Variants in DEPDC5 observed in about 807,000 individuals in gnomAD.
DEPDC5 encodes the protein DEP domain containing 5, GATOR1 subcomplex subunit, also known as GATOR1 complex protein DEPDC5.
A neutral mutation model predicts 217.3 loss-of-function variants in DEPDC5; 73 were observed. That is an observed-to-expected ratio of 0.34 (90% CI 0.28 to 0.41). DEPDC5 has a LOEUF of 0.41. DEPDC5 is among the 10% of genes least tolerant of loss of function. DEPDC5 has a pLI of 1.00. For missense variants in DEPDC5, 1,675 were observed against 2,070.1 expected (o/e 0.81, Z 3.70); for synonymous variants, 733 against 756.7 (o/e 0.97, Z 0.51).
chr22:31,777,380 C>T (rs2083982694), intron 7 of DEPDC5, among the ~76,000 whole-genome samples: 2 of 151,528 alleles, frequency 1.3e-5, no homozygotes, highest in South Asian at 2.1e-4. Flanking sequence ...CCTGCCTCAG[C>T]GTCCTGAGTA....
intron 24 of DEPDC5, chr22:31,831,047 T>G (rs985744966): frequency 6.6e-6 from 1 of 150,878 alleles, no homozygotes; most frequent in South Asian, 2.1e-4. Context: ...AGCCAAGGTT[T>G]TTTTTTTTTT....
intron 6 of DEPDC5, among the ~76,000 whole-genome samples, chr22:31,766,909 T>C (rs975341735): frequency 1.3e-5 from 2 of 152,204 alleles, no homozygotes; most frequent in African/African-American, 2.4e-5. Flanking sequence ...GTATTTTACA[T>C]TGGAATAGAA....
Position 31,815,218 on chromosome 22 carries a change from A to G in DEPDC5, c.1666+6A>G, listed in dbSNP as rs1323258551. The G allele has an allele frequency of 1.2e-6, 2 of 1,614,148 alleles. No individual in the cohort carries two copies. Among genetic ancestry groups the G allele is most frequent in the South Asian group, 1.1e-5 (1 of 91,084 alleles). On this transcript the variant is annotated splice_donor_region_variant and intron_variant, in intron 21 of 42. Transcript: ENST00000651528. ...GGGATACACCAGCACTCGAGGTAAGAGTGCTGAAGCACAGACAGAGCCAGG... is the reference window on the plus strand; with the variant it reads ...GGGATACACCAGCACTCGAGGTAAGGGTGCTGAAGCACAGACAGAGCCAGG...
At chr22:31,760,610 G>A (rs187819103) in intron 3 of DEPDC5, 46 bp from the exon 4 acceptor site, 3 of 1,571,996 alleles carry the variant, frequency 1.9e-6, no homozygotes, top group East Asian at 4.5e-5. Flanking sequence ...TTGCTAGGGA[G>A]TTACTGTTCA....
rs912283735 is a variant in DEPDC5, at chr22:31,843,080, T to C, written c.2516-15T>C. 3 of 1,591,954 alleles carry C rather than the reference T, an allele frequency of 1.9e-6. No homozygotes were observed. Among genetic ancestry groups the C allele is most frequent in the Non-Finnish European group, 2.6e-6 (3 of 1,161,868 alleles). On this transcript the variant is annotated splice_polypyrimidine_tract_variant and intron_variant, in intron 27 of 42. Coordinates refer to ENST00000651528, the MANE Select transcript of DEPDC5 (RefSeq NM_001242896.3). ...AGCTTCAAACAGATGGAGGAAATTA[T>C]TATTTTTCTGTTAGGCCTTGTGTCC...
chr22:31,780,927 C>G (rs1238294725), intron 8 of DEPDC5, among the ~76,000 whole-genome samples: 4 of 152,120 alleles, frequency 2.6e-5, no homozygotes, highest in African/African-American at 7.2e-5. Context: ...CTCAAGAATT[C>G]ATCATCTGGG....
intron 12 of DEPDC5, among the ~76,000 whole-genome samples, chr22:31,796,632 C>G (rs544751311): frequency 6.6e-6 from 1 of 152,204 alleles, no homozygotes; most frequent in African/African-American, 2.4e-5. Context: ...AGTGTATGCT[C>G]CAAAACCATT....
chr22:31,902,106 A>G (rs1185659707), intron 41 of DEPDC5, among the ~76,000 whole-genome samples: 1 of 152,180 alleles, frequency 6.6e-6, no homozygotes, highest in Non-Finnish European at 1.5e-5. Flanking sequence ...AGGAAATAAT[A>G]TAAAATGAAA....
rs2087318682 is a variant in DEPDC5, at chr22:31,804,834, C to T, written c.1144-8C>T. ...AGCTTATCTGTGCTCTCATTTTTCT[C>T]CTTGCAGCTCCATAATCGGAGTGCT... On this transcript the variant is annotated splice_polypyrimidine_tract_variant and splice_region_variant and intron_variant, in intron 16 of 42. Coordinates refer to ENST00000651528, the MANE Select transcript of DEPDC5 (RefSeq NM_001242896.3). 6.2e-7 allele frequency: 1 copy of T among 1,613,172 alleles called. No homozygotes were observed. The highest frequency in any genetic ancestry group is 1.3e-5 in the African/African-American group (1 of 74,994).
rs763489203 is a variant in DEPDC5, at chr22:31,906,593, G to A, written c.*96G>A. On this transcript the variant is annotated 3_prime_UTR_variant, in exon 43 of 43. Transcript: ENST00000651528. The surrounding 1 kb of genome is among the most constrained non-coding windows in gnomAD (Gnocchi z 5.1). ...GGCAGGCTCTAGGAGTCAGGTGTCC[G>A]TTTGCTGCTATCAGTGAGTGGGGGC... 170 of 1,461,670 alleles carry A rather than the reference G, an allele frequency of 1.2e-4. 1 individual carries two copies. Among genetic ancestry groups the A allele is most frequent in the South Asian group, 5.5e-4 (43 of 78,734 alleles). The allele number at this position is 1,461,670 out of a possible 1,614,324, so 90.5% of individuals were successfully genotyped here. A position where few individuals can be genotyped will look rare whatever the true frequency, so the allele number is the denominator to read the frequency against.
Position 31,810,651 on chromosome 22 carries a change from C to T in DEPDC5, c.1445+10C>T. On this transcript the variant is annotated intron_variant, in intron 20 of 42. Transcript: ENST00000651528. ...GCCTCACCACCTGCAGGTTTTCTGCCAGATTCACTTGGGGGTGCATATAAA... is the reference window on the plus strand; with the variant it reads ...GCCTCACCACCTGCAGGTTTTCTGCTAGATTCACTTGGGGGTGCATATAAA... The T allele has an allele frequency of 6.2e-7, 1 of 1,614,096 alleles. No homozygotes were observed. Among genetic ancestry groups the T allele is most frequent in the Non-Finnish European group, 8.5e-7 (1 of 1,180,032 alleles).
chr22:31,880,519 CA>C (rs1485308981), intron 38 of DEPDC5, among the ~76,000 whole-genome samples: 1 of 152,202 alleles, frequency 6.6e-6, no homozygotes, highest in Admixed American at 6.5e-5. Flanking sequence ...AGGGAAATTC[CA>C]TGTTCTGCTT....
At chr22:31,828,471 A>C (rs529267575) in intron 24 of DEPDC5, among the ~76,000 whole-genome samples, 6 of 152,070 alleles carry the variant, frequency 3.9e-5, no homozygotes, top group African/African-American at 7.2e-5. Context: ...AAAAAAAAAA[A>C]AAACAGTTCC....
chr22:31,866,992 A>G (rs1234476775), intron 33 of DEPDC5, among the ~76,000 whole-genome samples: 1 of 152,162 alleles, frequency 6.6e-6, no homozygotes, highest in African/African-American at 2.4e-5. Flanking sequence ...TACTCCATTT[A>G]TTGGAGGCAC....
intron 39 of DEPDC5, 198 bp downstream of exon 39, chr22:31,893,949 T>C (rs547566619): frequency 2.9e-4 from 166 of 577,302 alleles, no homozygotes; most frequent in Non-Finnish European, 4.4e-5. Context: ...AATCAGGGTT[T>C]CTTAGCCTTA....
chr22:31,780,378 G>A (rs889473972), intron 8 of DEPDC5, among the ~76,000 whole-genome samples: 7 of 152,142 alleles, frequency 4.6e-5, no homozygotes, highest in Non-Finnish European at 1.0e-4. Flanking sequence ...AAGCAGGTTG[G>A]GGAGATTAGG....
chr22:31,869,294 C>G (rs1418394354), intron 33 of DEPDC5, among the ~76,000 whole-genome samples: 1 of 151,446 alleles, frequency 6.6e-6, no homozygotes, highest in Non-Finnish European at 1.5e-5. Context: ...TTGGCAGCTA[C>G]CAGAAGCTCA....
chr22:31,784,275 G>C, intron 9 of DEPDC5: 1 of 234,056 alleles, frequency 4.3e-6, no homozygotes, highest in South Asian at 8.9e-5. Context: ...AATAAACTTG[G>C]CTTCTTAGTT....
At chr22:31,792,239 A>T in intron 11 of DEPDC5, 137 bp downstream of exon 11, 1 of 660,224 alleles carries the variant, frequency 1.5e-6, no homozygotes, top group Non-Finnish European at 2.7e-6. Flanking sequence ...ACAGTGTAAA[A>T]GGGAAAGTAG....
Sources: allele counts gnomAD v4.1 joint callset (sites outside exome capture counted in the v4.1 genomes callset), GRCh38; gene constraint gnomAD v4.1.1; non-coding constraint Gnocchi (gnomAD v3.1); transcripts MANE v1.5; gene names NCBI Gene and HGNC (gene_info 2026-07-23, HGNC 2026-07-21).